The following TRDN variants were observed in gnomAD, a reference collection of about 807,000 sequenced individuals.
TRDN encodes triadin in skeletal muscle.
TRDN carries 161 observed loss-of-function variants against 149.7 expected under a neutral mutation model. That is an observed-to-expected ratio of 1.08 (90% CI 0.95 to 1.23). The LOEUF (loss-of-function observed/expected upper bound fraction) is 1.23, where lower values mean the gene tolerates loss of function less well. TRDN is among the 50% of genes most tolerant of loss of function. The pLI is 0.00. For missense variants in TRDN, 896 were observed against 823.5 expected (o/e 1.09, Z -1.08); for synonymous variants, 294 against 250.5 (o/e 1.17, Z -1.64).
intron 8 of TRDN, 83 bp downstream of exon 8, chr6:123,503,636 T>C (rs1778792911): frequency 1.9e-6 from 3 of 1,578,346 alleles, no homozygotes; most frequent in Non-Finnish European, 2.6e-6. Context: ...TTTTGGTCTT[T>C]TTCAACTTTT....
intron 23 of TRDN, among the ~76,000 whole-genome samples, chr6:123,317,041 A>G (rs1165493038): frequency 1.3e-5 from 2 of 151,780 alleles, no homozygotes; most frequent in African/African-American, 2.4e-5. Context: ...GACATAAAGT[A>G]TCTTGTTCTC....
chr6:123,265,328 T>C lies in TRDN; in HGVS notation c.1794A>G (p.Lys598=), dbSNP rs1430378110. Residue 598 remains lysine, a synonymous_variant, in exon 33 of 41, where the codon AAA becomes AAG. Transcript: ENST00000334268. ...EPPSIKTDKP[K]PTPKGTSEVT... ...AAATGGTACACTTACTTGGAGTTGG[T>C]TTTGGTTTGTCTAAAAAGGAAAAAA... is the stretch of plus-strand genomic sequence containing the variant. The C allele has an allele frequency of 7.0e-7, 1 of 1,427,866 alleles. No homozygotes were observed. Among genetic ancestry groups the C allele is most frequent in the Admixed American group, 2.7e-5 (1 of 36,744 alleles). The allele number at this position is 1,427,866 out of a possible 1,614,324, so 88.4% of individuals were successfully genotyped here.
intron 34 of TRDN, 110 bp downstream of exon 34, chr6:123,260,502 T>C: frequency 8.3e-7 from 1 of 1,204,508 alleles, no homozygotes; most frequent in Non-Finnish European, 1.1e-6. Context: ...ACAGAATATC[T>C]GGAATTTGAG....
In TRDN at chr6:123,466,382, G is replaced by A. The variant is rs10214600; in HGVS notation, c.854-1399C>T. 5.4e-3 allele frequency among the ~76,000 whole-genome samples: 815 copies of A among 152,238 alleles called. 6 individuals are homozygous for A. The highest frequency in any genetic ancestry group is 0.018 in the African/African-American group (756 of 41,540). On this transcript the variant is annotated intron_variant, in intron 9 of 40. Transcript: ENST00000334268. ...TCATTTAATCTTCACAAGCTCTTTGGGATGTGCATATTAGTCTCATTTTAT... is the reference window on the plus strand; with the variant it reads ...TCATTTAATCTTCACAAGCTCTTTGAGATGTGCATATTAGTCTCATTTTAT...
intron 24 of TRDN, among the ~76,000 whole-genome samples, chr6:123,301,754 T>TATATATATACATATATATATATATAC (rs1562252171): frequency 1.5e-5 from 1 of 66,264 alleles, no homozygotes; most frequent in Non-Finnish European, 3.0e-5. Flanking sequence ...TATATATACA[T>TATATATATACATATATATATATATAC]ATATATATAT....
At chr6:123,371,597 C>T (rs889462116) in intron 19 of TRDN, among the ~76,000 whole-genome samples, 2 of 152,106 alleles carry the variant, frequency 1.3e-5, no homozygotes, top group Non-Finnish European at 2.9e-5. Context: ...AATCCTGTCC[C>T]TTTTTCCCCT....
chr6:123,275,255 G>A (rs1036304913), intron 26 of TRDN, among the ~76,000 whole-genome samples: 4 of 152,006 alleles, frequency 2.6e-5, no homozygotes, highest in African/African-American at 9.7e-5. Context: ...GTAAGATGAA[G>A]TCATGCTAGA....
intron 24 of TRDN, among the ~76,000 whole-genome samples, chr6:123,301,893 G>A (rs143065190): frequency 7.7e-4 from 114 of 148,134 alleles, no homozygotes; most frequent in Middle Eastern, 3.5e-3. Flanking sequence ...GGCGGTCTGC[G>A]TGTATATTTA....
intron 1 of TRDN, among the ~76,000 whole-genome samples, chr6:123,602,141 G>GT (rs1784309644): frequency 1.3e-5 from 2 of 151,992 alleles, no homozygotes; most frequent in African/African-American, 4.8e-5. Flanking sequence ...ATTTGAATCT[G>GT]TTTTTTAAAA....
intron 12 of TRDN, among the ~76,000 whole-genome samples, chr6:123,415,447 C>A (rs1449696165): frequency 6.6e-6 from 1 of 152,128 alleles, no homozygotes; most frequent in African/African-American, 2.4e-5. Flanking sequence ...AAGGCTCATC[C>A]ATAGAACTTG....
At chr6:123,635,323 A>AACACACACACACACACACACACACAC (rs141018949) in intron 1 of TRDN, among the ~76,000 whole-genome samples, 7 of 147,172 alleles carry the variant, frequency 4.8e-5, no homozygotes, top group African/African-American at 1.8e-4. Context: ...CAGAAAAGAA[A>AACACACACACACACACACACACACAC]ACACACACAC....
intron 1 of TRDN, among the ~76,000 whole-genome samples, chr6:123,578,557 G>T (rs1583276106): frequency 6.6e-6 from 1 of 152,074 alleles, no homozygotes; most frequent in East Asian, 1.9e-4. Context: ...GCTCACTGTA[G>T]CCCTGTAGTA....
chr6:123,463,363 AT>A (rs11308279), intron 10 of TRDN, among the ~76,000 whole-genome samples: 20,796 of 148,826 alleles, frequency 0.14, 1,870 homozygotes, highest in South Asian at 0.28. Flanking sequence ...TAAATAATAA[AT>A]AAATAAATAA....
At chr6:123,226,307 AAAT>A (rs1181831488) in intron 38 of TRDN, among the ~76,000 whole-genome samples, 4 of 151,906 alleles carry the variant, frequency 2.6e-5, no homozygotes, top group African/African-American at 7.2e-5. Flanking sequence ...TAAACAAATC[AAAT>A]AATATCTTAA....
intron 24 of TRDN, among the ~76,000 whole-genome samples, chr6:123,293,972 T>G (rs1778101143): frequency 6.6e-6 from 1 of 152,106 alleles, no homozygotes; most frequent in East Asian, 1.9e-4. Flanking sequence ...TGGGGAGGCT[T>G]TGTCTACCAT....
intron 9 of TRDN, among the ~76,000 whole-genome samples, chr6:123,496,442 A>T (rs1778450625): frequency 6.6e-6 from 1 of 152,082 alleles, no homozygotes. Context: ...AGCTTCATTT[A>T]TTCTAATATA....
intron 5 of TRDN, among the ~76,000 whole-genome samples, chr6:123,527,862 T>C (rs904257863): frequency 1.3e-5 from 2 of 151,748 alleles, no homozygotes; most frequent in African/African-American, 4.8e-5. Flanking sequence ...TCTGATTATA[T>C]TTATAAAATA....
chr6:123,528,915 A>G (rs1234054511), intron 5 of TRDN: 2 of 1,105,276 alleles, frequency 1.8e-6, no homozygotes, highest in Admixed American at 8.9e-5. Context: ...TATTTGGTCT[A>G]CTCAAGAAAT....
At chr6:123,291,794 A>T (rs1179448226) in intron 24 of TRDN, among the ~76,000 whole-genome samples, 1 of 152,132 alleles carries the variant, frequency 6.6e-6, no homozygotes, top group Non-Finnish European at 1.5e-5. Context: ...ATTACCAGAA[A>T]ATTTTATTTT....
Sources: gnomAD v4.1 joint callset for allele counts (sites outside exome capture counted in the v4.1 genomes callset) on GRCh38, gnomAD v4.1.1 for gene constraint, MANE v1.5 for transcripts, NCBI Gene and HGNC (gene_info 2026-07-23, HGNC 2026-07-21) for gene names.